Variants in CCDC7 observed in about 807,000 individuals in gnomAD.
CCDC7 encodes coiled-coil domain-containing protein 7.
A neutral mutation model predicts 196.9 loss-of-function variants in CCDC7; 183 were observed. The observed-to-expected ratio is 0.93, with a 90% CI of 0.82 to 1.05. CCDC7 has a LOEUF of 1.05. Ranked by LOEUF, CCDC7 falls within the 50% of genes least tolerant of loss-of-function variation. The pLI is 0.00. For synonymous variants in CCDC7, 525 were observed against 484.6 expected (o/e 1.08, Z -1.10); for missense variants, 1,540 against 1,482.2 (o/e 1.04, Z -0.64).
intron 14 of CCDC7, among the ~76,000 whole-genome samples, chr10:32,566,517 T>G (rs932972608): frequency 6.6e-6 from 1 of 152,180 alleles, no homozygotes; most frequent in Admixed American, 6.5e-5. Flanking sequence ...TATTCTGATT[T>G]AAATGTATGT....
intron 5 of CCDC7, among the ~76,000 whole-genome samples, chr10:32,470,685 A>G (rs2037767845): frequency 6.6e-6 from 1 of 152,168 alleles, no homozygotes; most frequent in Non-Finnish European, 1.5e-5. Flanking sequence ...AGAGAAAATT[A>G]CTGTCTTTAG....
At chr10:32,646,016 ATC>A (rs1404389294) in intron 20 of CCDC7, among the ~76,000 whole-genome samples, 1 of 147,056 alleles carries the variant, frequency 6.8e-6, no homozygotes, top group Non-Finnish European at 1.5e-5. Flanking sequence ...ATATTTTTTA[ATC>A]TCTTTTTTGT....
intron 9 of CCDC7, among the ~76,000 whole-genome samples, chr10:32,500,695 C>T (rs11816954): frequency 0.052 from 7,960 of 152,184 alleles, 686 homozygotes; most frequent in African/African-American, 0.18. Context: ...CCAAGGCAGG[C>T]GGCTGGGAGG....
intron 21 of CCDC7, among the ~76,000 whole-genome samples, chr10:32,669,152 A>G (rs1591377700): frequency 6.6e-6 from 1 of 152,188 alleles, no homozygotes; most frequent in East Asian, 1.9e-4. Flanking sequence ...ATCTATTGAG[A>G]TTATCATGTG....
intron 18 of CCDC7, among the ~76,000 whole-genome samples, chr10:32,629,587 C>G (rs1250720581): frequency 6.6e-6 from 1 of 152,064 alleles, no homozygotes; most frequent in Admixed American, 6.6e-5. Context: ...CTATTTTGTT[C>G]AAGCAAGCAG....
chr10:32,734,673 T>A (rs1365789005), intron 28 of CCDC7, among the ~76,000 whole-genome samples: 1 of 152,112 alleles, frequency 6.6e-6, no homozygotes, highest in Non-Finnish European at 1.5e-5. Flanking sequence ...GGCGGGCAGA[T>A]TGCCTGAGCT....
rs1491197875 is a variant in CCDC7, at chr10:32,828,486, G to GAAGAAGAAGAAGAAGAAGA, written c.3268+3884_3268+3902dup. On this transcript the variant is annotated intron_variant, in intron 32 of 41. Coordinates refer to ENST00000639629, the Ensembl canonical transcript of CCDC7. ...AGAAGAGGAAGAGGAAGAGGAAGAGGAAGAAGAAGAAGAAGAAGAAGAAGA... is the reference window on the plus strand; with the variant it reads ...AGAAGAGGAAGAGGAAGAGGAAGAGGAAGAAGAAGAAGAAGAAGAAAGAAGAAGAAGAAGAAGAAGAAGA... Among the ~76,000 whole-genome samples the GAAGAAGAAGAAGAAGAAGA allele has an allele frequency of 9.3e-4, 45 of 48,222 alleles. 1 individual carries two copies. The highest frequency in any genetic ancestry group is 3.4e-3 in the African/African-American group (40 of 11,750). 31.6% of individuals were successfully genotyped at this position (48,222 alleles called of 152,430 possible).
At chr10:32,759,444 T>C (rs917959612) in intron 28 of CCDC7, among the ~76,000 whole-genome samples, 1 of 151,968 alleles carries the variant, frequency 6.6e-6, no homozygotes, top group African/African-American at 2.4e-5. Context: ...ATGCCACATA[T>C]CTACAACTAT....
intron 16 of CCDC7, chr10:32,574,673 T>A: frequency 3.2e-6 from 1 of 312,348 alleles, no homozygotes; most frequent in Non-Finnish European, 5.6e-6. Flanking sequence ...TTAGCTTTTC[T>A]TAAATGTTTT....
At chr10:32,518,281 C>G (rs2047364952) in intron 10 of CCDC7, 135 bp from the exon 12 acceptor site, 1 of 1,017,640 alleles carries the variant, frequency 9.8e-7, no homozygotes, top group Non-Finnish European at 1.4e-6. Flanking sequence ...TTGTGTCACT[C>G]TACAGACTGA....
chr10:32,809,942 G>T (rs958567670), intron 30 of CCDC7, among the ~76,000 whole-genome samples: 7 of 90 alleles, frequency 0.078, no homozygotes, highest in Non-Finnish European at 0.36. Context: ...TGTTTATTGC[G>T]GCACTATTCA....
At chr10:32,701,886 C>T (rs1230485050) in intron 24 of CCDC7, among the ~76,000 whole-genome samples, 9 of 151,876 alleles carry the variant, frequency 5.9e-5, no homozygotes, top group East Asian at 3.9e-4. Flanking sequence ...TTTTTTATTG[C>T]GTCAATTTGA....
Position 32,650,116 on chromosome 10 carries a change from A to G in CCDC7, c.2015-13938A>G, listed in dbSNP as rs570280901. 5.0e-4 allele frequency among the ~76,000 whole-genome samples: 76 copies of G among 152,216 alleles called. 1 individual carries two copies. The Middle Eastern group carries it at 0.014, about 27-fold the overall frequency. ...TTGAATTACCAGGGTCCTTGTCCTG[A>G]TTTGTTCTCATCTGGGAGGACTAGT... is the stretch of plus-strand genomic sequence containing the variant. On this transcript the variant is annotated intron_variant, in intron 20 of 41. Transcript: ENST00000639629.
intron 28 of CCDC7, among the ~76,000 whole-genome samples, chr10:32,764,840 CA>C (rs144550368): frequency 0.053 from 8,062 of 152,034 alleles, 713 homozygotes; most frequent in African/African-American, 0.18. Context: ...AATTGGGTCT[CA>C]GAGGCCAAGT....
chr10:32,632,221 T>G (rs1308230969), intron 18 of CCDC7, among the ~76,000 whole-genome samples: 1 of 151,828 alleles, frequency 6.6e-6, no homozygotes, highest in Non-Finnish European at 1.5e-5. Context: ...TTATCTTGTT[T>G]TTACTTTAGT....
intron 11 of CCDC7, among the ~76,000 whole-genome samples, chr10:32,533,442 A>G (rs2050004180): frequency 6.6e-6 from 1 of 152,108 alleles, no homozygotes. Flanking sequence ...CCACAGTTGC[A>G]ATATAGAGTA....
chr10:32,684,897 A>G (rs939187091), intron 21 of CCDC7, among the ~76,000 whole-genome samples: 7 of 152,042 alleles, frequency 4.6e-5, no homozygotes, highest in African/African-American at 1.7e-4. Flanking sequence ...TTTCTCTTTA[A>G]TAGGTTCACT....
chr10:32,573,075 G>T (rs907185893), intron 16 of CCDC7, among the ~76,000 whole-genome samples: 1 of 151,688 alleles, frequency 6.6e-6, no homozygotes, highest in African/African-American at 2.4e-5. Flanking sequence ...ACGGGGTTTC[G>T]CCATGTTGGC....
In CCDC7 at chr10:32,574,586, T is replaced by A. The variant is rs369088332; in HGVS notation, c.1454+2693T>A. 27 of 1,002,136 alleles carry A rather than the reference T, an allele frequency of 2.7e-5. No individual in the cohort carries two copies. In the African/African-American group the frequency reaches 4.2e-4, roughly 16 times the overall value. 62.1% of individuals were successfully genotyped at this position (1,002,136 alleles called of 1,614,324 possible). ...ACAACATTTATCAGTTTATTTTGGC[T>A]TAGGGAATGAGTTAGTGGTAAATAG... On this transcript the variant is annotated intron_variant, in intron 16 of 41. Coordinates refer to ENST00000639629, the Ensembl canonical transcript of CCDC7.
Sources: allele counts gnomAD v4.1 joint callset (sites outside exome capture counted in the v4.1 genomes callset), GRCh38; gene constraint gnomAD v4.1.1; transcripts MANE v1.5; gene names NCBI Gene and HGNC (gene_info 2026-07-23, HGNC 2026-07-21).